The following DOCK2 variants were observed in gnomAD, a reference collection of about 807,000 sequenced individuals.
The protein encoded by DOCK2 is dedicator of cytokinesis 2, also known as dedicator of cytokinesis protein 2.
In DOCK2, 87 loss-of-function variants were observed where a neutral mutation model predicts 248.9. That is an observed-to-expected ratio of 0.35 (90% CI 0.29 to 0.42). DOCK2 has a LOEUF of 0.42. DOCK2 is among the 10% of genes least tolerant of loss of function. The pLI, the probability that DOCK2 is intolerant of heterozygous loss-of-function variation, is 1.00. For missense variants in DOCK2, 1,747 were observed against 2,300.2 expected, an observed-to-expected ratio of 0.76 and a Z score of 4.92; for synonymous variants, 805 against 821.6, an observed-to-expected ratio of 0.98 and a Z score of 0.35.
chr5:169,795,935 G>C (rs898867949), intron 25 of DOCK2, among the ~76,000 whole-genome samples: 1 of 152,124 alleles, frequency 6.6e-6, no homozygotes, highest in African/African-American at 2.4e-5. Flanking sequence ...AGGAGAATTC[G>C]ACTTTCAGTC....
intron 27 of DOCK2, among the ~76,000 whole-genome samples, chr5:169,943,373 G>T (rs1173005255): frequency 6.6e-6 from 1 of 152,038 alleles, no homozygotes; most frequent in Non-Finnish European, 1.5e-5. Flanking sequence ...TTAGGTCCTG[G>T]ACCTGTGGCC....
rs1475660161 is a variant in DOCK2 at position 169,883,156 on chromosome 5, G to A, written c.2799+42304G>A. On this transcript the variant is annotated intron_variant, in intron 27 of 51. Transcript: ENST00000520908. ...GGTGGATTTTTCTGAATCTAGTGGA[G>A]TCACCCTTCTCCCATCACCTGGACG... The A allele has an allele frequency of 6.4e-6, 10 of 1,551,480 alleles. No homozygotes were observed. The East Asian group carries it at 2.0e-4, about 30-fold the overall frequency.
At chr5:170,075,909 G>C (rs376027523) in intron 46 of DOCK2, 38 bp from the exon 47 acceptor site, 48 of 1,610,124 alleles carry the variant, frequency 3.0e-5, no homozygotes, top group Non-Finnish European at 3.7e-5. Flanking sequence ...AGGCCCACCG[G>C]TCAGCCTCTG....
chr5:169,802,429 A>G (rs1263788944), intron 25 of DOCK2, among the ~76,000 whole-genome samples: 2 of 152,228 alleles, frequency 1.3e-5, no homozygotes, highest in African/African-American at 4.8e-5. Context: ...TTCATTTTGT[A>G]CTGTCTGTAC....
At chr5:169,850,868 G>A (rs1193141789) in intron 27 of DOCK2, among the ~76,000 whole-genome samples, 1 of 152,234 alleles carries the variant, frequency 6.6e-6, no homozygotes, top group Non-Finnish European at 1.5e-5. Context: ...AATGGCTGGA[G>A]AGGAAGGCTT....
intron 33 of DOCK2, among the ~76,000 whole-genome samples, chr5:170,023,739 AGAG>A (rs1450842324): frequency 1.3e-5 from 2 of 152,184 alleles, no homozygotes; most frequent in Non-Finnish European, 2.9e-5. Flanking sequence ...ATTTCATAAC[AGAG>A]GAGGTCAAAG....
intron 46 of DOCK2, among the ~76,000 whole-genome samples, chr5:170,074,413 A>G (rs1488216131): frequency 1.3e-5 from 2 of 152,314 alleles, no homozygotes; most frequent in East Asian, 3.9e-4. Flanking sequence ...GAGCAAGGCT[A>G]AAGAAAAAGA....
chr5:170,075,805 G>A (rs1253515707), intron 46 of DOCK2, 142 bp from the exon 47 acceptor site: 27 of 1,051,258 alleles, frequency 2.6e-5, no homozygotes, highest in Middle Eastern at 3.3e-4. Flanking sequence ...GCTGGGGACC[G>A]TGTGTGCAGG....
rs138478687 is a variant in DOCK2 at position 170,080,126 on chromosome 5, T to TTGTG, written c.5167-21_5167-18dup. The stretch of plus-strand genomic sequence containing the variant: ...TCTGCCTCATGCTAAGCCTCTGTCT[T>TTGTG]TGTGTGTGTGTGTGTGTGTCTGGTG... On this transcript the variant is annotated intron_variant, in intron 49 of 51. Coordinates refer to ENST00000520908, the MANE Select transcript of DOCK2 (RefSeq NM_004946.3). 850 of 1,512,104 alleles carry TTGTG rather than the reference T, an allele frequency of 5.6e-4. 2 individuals are homozygous for TTGTG. The African/African-American group carries it at 8.8e-3, about 16-fold the overall frequency. 93.7% of individuals were successfully genotyped at this position (1,512,104 alleles called of 1,614,324 possible). A position where few individuals can be genotyped will look rare whatever the true frequency, so the allele number is the denominator to read the frequency against.
intron 22 of DOCK2, among the ~76,000 whole-genome samples, chr5:169,737,436 G>C (rs1276892469): frequency 1.3e-5 from 2 of 152,152 alleles, no homozygotes; most frequent in African/African-American, 4.8e-5. Context: ...TGTATACTTG[G>C]TCTTTGATCC....
chr5:170,024,628 G>A (rs952267776), intron 33 of DOCK2, among the ~76,000 whole-genome samples: 15 of 152,248 alleles, frequency 9.9e-5, no homozygotes, highest in African/African-American at 3.4e-4. Flanking sequence ...TGAAGGAGAT[G>A]CTATTTCAAA....
At chr5:169,654,299 G>T in intron 1 of DOCK2, 104 bp from the exon 2 acceptor site, 3 of 1,276,094 alleles carry the variant, frequency 2.4e-6, no homozygotes, top group Non-Finnish European at 3.3e-6. Flanking sequence ...AGCCCAGGTG[G>T]GCTGCGTGGG....
In DOCK2 at chr5:169,918,016, G is replaced by A. The variant is rs375929360; in HGVS notation, c.2800-65052G>A. On this transcript the variant is annotated intron_variant, in intron 27 of 51. Transcript: ENST00000520908. ...GTTACAGAATTCTGCCTTTCAGCAA[G>A]GAAAGGTATTTAGCTGGGATCTGAG... 4.9e-4 allele frequency among the ~76,000 whole-genome samples: 75 copies of A among 152,304 alleles called. 1 individual carries two copies. The East Asian group carries it at 0.012, about 24-fold the overall frequency.
At chr5:169,686,332 A>G (rs1032058724) in intron 8 of DOCK2, among the ~76,000 whole-genome samples, 3 of 152,206 alleles carry the variant, frequency 2.0e-5, no homozygotes, top group African/African-American at 7.2e-5. Flanking sequence ...TGGCTGGACC[A>G]GCTCTGTGGA....
chr5:169,747,646 G>A (rs1763682995), intron 23 of DOCK2, 142 bp downstream of exon 23: 1 of 619,090 alleles, frequency 1.6e-6, no homozygotes, highest in Admixed American at 3.4e-5. Context: ...TAAAGACCAA[G>A]GGCTCCTCAG....
At chr5:169,679,706 C>T (rs768118941) in intron 6 of DOCK2, among the ~76,000 whole-genome samples, 13 of 152,162 alleles carry the variant, frequency 8.5e-5, no homozygotes, top group East Asian at 1.9e-4. Context: ...TTAGCATTGC[C>T]GTTGGGCAGC....
intron 25 of DOCK2, among the ~76,000 whole-genome samples, chr5:169,786,422 G>A (rs1368406095): frequency 1.3e-5 from 2 of 152,188 alleles, no homozygotes; most frequent in East Asian, 3.8e-4. Flanking sequence ...CAGCCAGCTT[G>A]TTGACTGGCG....
intron 27 of DOCK2, among the ~76,000 whole-genome samples, chr5:169,912,702 G>A (rs907067944): frequency 1.7e-4 from 26 of 152,106 alleles, no homozygotes; most frequent in African/African-American, 4.1e-4. Flanking sequence ...AAGGTAGTAG[G>A]AAAATGGAGT....
intron 27 of DOCK2, among the ~76,000 whole-genome samples, chr5:169,888,833 T>C (rs1773123905): frequency 6.6e-6 from 1 of 152,240 alleles, no homozygotes; most frequent in African/African-American, 2.4e-5. Context: ...GAGACACTTG[T>C]GAATTTGTCT....
Sources: allele counts gnomAD v4.1 joint callset (sites outside exome capture counted in the v4.1 genomes callset), GRCh38; gene constraint gnomAD v4.1.1; transcripts MANE v1.5; gene names NCBI Gene and HGNC (gene_info 2026-07-23, HGNC 2026-07-21).